SCUBE1: variants seen among roughly 807,000 people sequenced by gnomAD.
SCUBE1 encodes signal peptide, CUB and EGF-like domain-containing protein 1.
In SCUBE1, 59 loss-of-function variants were observed where a neutral mutation model predicts 124.4. The observed-to-expected ratio is 0.47, with a 90% CI of 0.38 to 0.59. SCUBE1 has a LOEUF of 0.59. SCUBE1 is among the 20% of genes least tolerant of loss of function. The pLI, the probability that SCUBE1 is intolerant of heterozygous loss-of-function variation, is 0.00. For missense variants in SCUBE1, 1,150 were observed against 1,371.2 expected, an observed-to-expected ratio of 0.84 and a Z score of 2.55; for synonymous variants, 545 against 550.9, an observed-to-expected ratio of 0.99 and a Z score of 0.15.
intron 4 of SCUBE1, among the ~76,000 whole-genome samples, chr22:43,269,716 T>G (rs924714360): frequency 6.6e-6 from 1 of 152,032 alleles, no homozygotes; most frequent in African/African-American, 2.4e-5. Flanking sequence ...CCTGGAGCCT[T>G]GGGGGTGGCA....
chr22:43,237,351 C>T (rs1302572069), intron 7 of SCUBE1, among the ~76,000 whole-genome samples: 1 of 152,260 alleles, frequency 6.6e-6, no homozygotes, highest in Admixed American at 6.5e-5. Context: ...TCCAACAGCC[C>T]CAGCCTTGCC....
intron 15 of SCUBE1, among the ~76,000 whole-genome samples, chr22:43,215,379 C>T (rs566741987): frequency 6.6e-6 from 1 of 152,324 alleles, no homozygotes; most frequent in African/African-American, 2.4e-5. Flanking sequence ...CGGCCATGGC[C>T]ACCCACTTTC....
intron 21 of SCUBE1, 64 bp downstream of exon 21, chr22:43,207,470 G>T: frequency 2.3e-6 from 3 of 1,317,212 alleles, no homozygotes; most frequent in South Asian, 1.2e-5. Flanking sequence ...GGCAGGGGCG[G>T]TCCTGGCTCA....
At chr22:43,330,160 C>T (rs1259680515) in intron 2 of SCUBE1, among the ~76,000 whole-genome samples, 1 of 152,118 alleles carries the variant, frequency 6.6e-6, no homozygotes, top group Non-Finnish European at 1.5e-5. Flanking sequence ...CTCAAATGCA[C>T]ATTCTGTAAG....
intron 4 of SCUBE1, among the ~76,000 whole-genome samples, chr22:43,264,648 G>T (rs1923996199): frequency 6.6e-6 from 1 of 152,164 alleles, no homozygotes; most frequent in Non-Finnish European, 1.5e-5. Flanking sequence ...CTGAGTCCAG[G>T]GTCGCCCCCT....
Position 43,262,705 on chromosome 22 carries a change from T to C in SCUBE1, c.610+15A>G, listed in dbSNP as rs904336890. ...ACGCACGGGACGTTTGACCCATTTG[T>C]CTCCCTCTACCTACGTGTGCAGTCC... On this transcript the variant is annotated intron_variant, in intron 5 of 21. Transcript: ENST00000360835. 112 of 1,612,796 alleles carry C rather than the reference T, an allele frequency of 6.9e-5. No individual in the cohort carries two copies. Among genetic ancestry groups the C allele is most frequent in the Non-Finnish European group, 8.9e-5 (105 of 1,179,026 alleles).
intron 7 of SCUBE1, among the ~76,000 whole-genome samples, chr22:43,236,728 C>A (rs1922778775): frequency 6.6e-6 from 1 of 152,202 alleles, no homozygotes; most frequent in Non-Finnish European, 1.5e-5. Context: ...CCCCGGCCTC[C>A]CCCAGCCTCC....
Position 43,287,053 on chromosome 22 carries a change from C to T in SCUBE1, c.484+3993G>A, listed in dbSNP as rs572817601. ...GCACAAGGGTGTGTGATGGGGGCAGCGGGTGGGCCCCTGGGGCTGTGGCCA... is the reference window on the plus strand; with the variant it reads ...GCACAAGGGTGTGTGATGGGGGCAGTGGGTGGGCCCCTGGGGCTGTGGCCA... On this transcript the variant is annotated intron_variant, in intron 4 of 21. Coordinates refer to ENST00000360835, the MANE Select transcript of SCUBE1 (RefSeq NM_173050.5). 2.3e-3 allele frequency among the ~76,000 whole-genome samples: 356 copies of T among 152,156 alleles called. 1 individual carries two copies. The highest frequency in any genetic ancestry group is 6.5e-3 in the African/African-American group (270 of 41,520).
intron 6 of SCUBE1, among the ~76,000 whole-genome samples, chr22:43,250,331 C>T (rs1160143794): frequency 1.3e-5 from 2 of 152,216 alleles, no homozygotes; most frequent in African/African-American, 2.4e-5. Flanking sequence ...CAGGCTTTGT[C>T]TGGCACTGGC....
In SCUBE1 at chr22:43,251,658, G is replaced by A. The variant is rs145135836; in HGVS notation, c.727+6561C>T. On this transcript the variant is annotated intron_variant, in intron 6 of 21. Transcript: ENST00000360835. ...GTGGGCAGCTCTAGAAGCTGGAAAG[G>A]CAAGGAAGGGGATGCACCCCTGGAG... Among the ~76,000 whole-genome samples the A allele has an allele frequency of 2.0e-5, 3 of 152,276 alleles. No homozygotes were observed. In the East Asian group the frequency reaches 5.8e-4, roughly 29 times the overall value.
chr22:43,232,005 GCT>G, intron 7 of SCUBE1, 130 bp from the exon 8 acceptor site: 2 of 1,107,096 alleles, frequency 1.8e-6, no homozygotes, highest in Non-Finnish European at 2.6e-6. Context: ...TCCCAAGCTG[GCT>G]GCTGGCTCCC....
In SCUBE1 at chr22:43,211,113, G is replaced by GCA; in HGVS notation, c.2222-31_2222-30insTG. ...CGGGGGACACAAGGCAGTGTGGTGG[G>GCA]TGTGGAGGGGTGCAGGGAAAGGGCA... On this transcript the variant is annotated intron_variant, in intron 17 of 21. Transcript: ENST00000360835. The surrounding 1 kb of genome is among the most constrained non-coding windows in gnomAD (Gnocchi z 4.5). The GCA allele has an allele frequency of 6.3e-7, 1 of 1,584,222 alleles. No homozygotes were observed. The highest frequency in any genetic ancestry group is 8.6e-7 in the Non-Finnish European group (1 of 1,164,112).
At position 43,343,264 on chromosome 22, in the gene SCUBE1, T is replaced by C; in HGVS notation, c.-3A>G. On this transcript the variant is annotated 5_prime_UTR_variant, in exon 1 of 22. Coordinates refer to ENST00000360835, the MANE Select transcript of SCUBE1 (RefSeq NM_173050.5). ...CAGCGCACGGCCGCCGCGCCCATGC[T>C]CAATGCGGGCCCCGCTGGGCGTGCG... is the stretch of plus-strand genomic sequence containing the variant. The C allele has an allele frequency of 8.7e-7, 1 of 1,142,932 alleles. No homozygotes were observed. Among genetic ancestry groups the C allele is most frequent in the Non-Finnish European group, 1.1e-6 (1 of 932,304 alleles). 70.8% of individuals were successfully genotyped at this position (1,142,932 alleles called of 1,614,324 possible).
intron 3 of SCUBE1, among the ~76,000 whole-genome samples, chr22:43,313,196 G>A (rs1926230343): frequency 6.6e-6 from 1 of 152,198 alleles, no homozygotes; most frequent in Admixed American, 6.5e-5. Context: ...CCAGCACAAG[G>A]CTGGGCATAG....
In SCUBE1 at chr22:43,281,479, T is replaced by TCC. The variant is rs1209849441; in HGVS notation, c.484+9565_484+9566dup. 8.8e-4 allele frequency among the ~76,000 whole-genome samples: 79 copies of TCC among 89,844 alleles called. 8 individuals carry two copies. The East Asian group carries it at 0.01, about 12-fold the overall frequency. The allele number at this position is 89,844 out of a possible 152,430, so 58.9% of individuals were successfully genotyped here. ...CTCCCTCAGCCACCCTCCTGTCACC[T>TCC]CCCTCTTTGGCCACCCTCCTGTCAC... On this transcript the variant is annotated intron_variant, in intron 4 of 21. Coordinates refer to ENST00000360835, the MANE Select transcript of SCUBE1 (RefSeq NM_173050.5).
At position 43,258,112 on chromosome 22, in the gene SCUBE1, C is replaced by T. The variant is rs1923731267; in HGVS notation, c.727+107G>A. The T allele has an allele frequency of 2.4e-6, 2 of 828,558 alleles. No homozygotes were observed. The highest frequency in any genetic ancestry group is 4.1e-6 in the Non-Finnish European group (2 of 489,682). 51.3% of individuals were successfully genotyped at this position (828,558 alleles called of 1,614,324 possible). ...GCCTTTCCTTGTTTCCCTGAAGCTT[C>T]CTTCCGGGGAACCCGGACGTGGCAG... is the stretch of plus-strand genomic sequence containing the variant. On this transcript the variant is annotated intron_variant, in intron 6 of 21. Coordinates refer to ENST00000360835, the MANE Select transcript of SCUBE1 (RefSeq NM_173050.5). This position sits in a 1 kb window ranked among gnomAD's most constrained non-coding sequence, Gnocchi z 5.0.
intron 4 of SCUBE1, among the ~76,000 whole-genome samples, chr22:43,285,536 G>A (rs1030207145): frequency 5.3e-5 from 8 of 152,322 alleles, no homozygotes; most frequent in East Asian, 1.9e-4. Context: ...AATAGGGGGC[G>A]GGGGACAGAG....
At chr22:43,305,912 G>A (rs6003148) in intron 3 of SCUBE1, among the ~76,000 whole-genome samples, 6,048 of 152,270 alleles carry the variant, frequency 0.04, 335 homozygotes, top group African/African-American at 0.13. Context: ...GGCACAGGGC[G>A]TCTCTGCCAG....
rs200167883 is a variant in SCUBE1 at position 43,231,819 on chromosome 22, C to T, written c.901G>A (p.Val301Met). Residue 301 changes from valine (V) to methionine (M), a missense_variant, in exon 8 of 22, where the codon GTG (valine) becomes ATG (methionine). Around this residue, in one of 3 missense-constraint regions of SCUBE1, gnomAD observed 337 missense variants for 482.1 expected, o/e 0.70. Coordinates refer to ENST00000360835, the MANE Select transcript of SCUBE1 (RefSeq NM_173050.5). ...CGGCAGCCGCACTCGAAGCTGCCCA[C>T]GGTGTTGCGGCAGAAGTGGTCGCAG... Reference protein sequence around the residue: ...GGCDHFCRNTVGSFECGCRKG... With the variant: ...GGCDHFCRNTMGSFECGCRKG... The T allele has an allele frequency of 7.6e-5, 122 of 1,613,228 alleles. No homozygotes were observed. The highest frequency in any genetic ancestry group is 2.0e-4 in the Admixed American group (12 of 59,964).
Sources: gnomAD v4.1 joint callset for allele counts (sites outside exome capture counted in the v4.1 genomes callset) on GRCh38, gnomAD v4.1.1 for gene constraint, gnomAD v4.1.1 regional missense constraint, Gnocchi (gnomAD v3.1) non-coding constraint, MANE v1.5 for transcripts, NCBI Gene and HGNC (gene_info 2026-07-23, HGNC 2026-07-21) for gene names.